The following OBSL1 variants were observed in gnomAD, a reference collection of about 807,000 sequenced individuals.
OBSL1 encodes the protein obscurin-like protein 1.
A neutral mutation model predicts 172.0 loss-of-function variants in OBSL1; 160 were observed. That is an observed-to-expected ratio of 0.93 (90% CI 0.82 to 1.06). OBSL1 has a LOEUF of 1.06. Ranked by LOEUF, OBSL1 falls within the 50% of genes least tolerant of loss-of-function variation. The pLI, the probability that OBSL1 is intolerant of heterozygous loss-of-function variation, is 0.00. For missense variants in OBSL1, 2,681 were observed against 2,715.4 expected, an observed-to-expected ratio of 0.99 and a Z score of 0.28; for synonymous variants, 1,200 against 1,196.3, an observed-to-expected ratio of 1.00 and a Z score of -0.06.
intron 15 of OBSL1, chr2:219,554,242 G>A: frequency 1.7e-6 from 1 of 590,206 alleles, no homozygotes; most frequent in Non-Finnish European, 3.0e-6. Flanking sequence ...TGGTAGCAGA[G>A]TCAGTGGTTG....
intron 14 of OBSL1, chr2:219,555,697 T>A: frequency 8.7e-7 from 1 of 1,152,378 alleles, no homozygotes; most frequent in Non-Finnish European, 1.1e-6. Flanking sequence ...CAGCCATCCC[T>A]GCTACTTAAG....
At position 219,552,522 on chromosome 2, in the gene OBSL1, C is replaced by G; in HGVS notation, c.5308+14G>C. 1.3e-6 allele frequency: 2 copies of G among 1,592,468 alleles called. No homozygotes were observed. Among genetic ancestry groups the G allele is most frequent in the South Asian group, 1.1e-5 (1 of 89,994 alleles). On this transcript the variant is annotated intron_variant, in intron 18 of 20. Coordinates refer to ENST00000404537, the MANE Select transcript of OBSL1 (RefSeq NM_015311.3). ...GGCAGCGAGGGGCCCGAAAGGGTAACCAGGCGGGCAGACCTTCCTGTCGGA... is the reference window on the plus strand; with the variant it reads ...GGCAGCGAGGGGCCCGAAAGGGTAAGCAGGCGGGCAGACCTTCCTGTCGGA...
chr2:219,551,968 G>A (rs1695643860), intron 19 of OBSL1, 144 bp downstream of exon 19: 2 of 953,072 alleles, frequency 2.1e-6, no homozygotes, highest in South Asian at 3.1e-5. Context: ...GAAACGCGCT[G>A]CCCTCTGTGA....
In OBSL1 at chr2:219,570,568, G is replaced by T; in HGVS notation, c.665C>A (p.Ala222Glu). The T allele has an allele frequency of 6.5e-7, 1 of 1,531,878 alleles. No individual in the cohort carries two copies. The allele number at this position is 1,531,878 out of a possible 1,614,324, so 94.9% of individuals were successfully genotyped here. ...RNAHGHAQAG[A>E]LLQVHQPPES... ...GGGGGGCTGGTGCACCTGGAGCAGC[G>T]CCCCCGCCTGCGCGTGGCCGTGCGC... The change falls in exon 1 of 21, where the codon GCG becomes GAG. Residue 222 changes from alanine (A) to glutamate (E), a missense_variant. Transcript: ENST00000404537.
chr2:219,571,204 C>A lies in OBSL1; in HGVS notation c.29G>T (p.Ser10Ile), dbSNP rs1261709770. 1 of 1,432,176 alleles carries A rather than the reference C, an allele frequency of 7.0e-7. No individual in the cohort carries two copies. The highest frequency in any genetic ancestry group is 9.2e-7 in the Non-Finnish European group (1 of 1,091,450). The allele number at this position is 1,432,176 out of a possible 1,614,324, so 88.7% of individuals were successfully genotyped here. The change falls in exon 1 of 21, where the codon AGC becomes ATC. Residue 10 changes from serine (S) to isoleucine (I), a missense_variant. Physicochemically the swap from Ser to Ile is moderately radical, Grantham distance 142 (BLOSUM62 -2). Around this residue, in one of 5 missense-constraint regions of OBSL1, gnomAD observed 90 missense variants for 76.6 expected, o/e 1.18. Coordinates refer to ENST00000404537, the MANE Select transcript of OBSL1 (RefSeq NM_015311.3). MKASSGDQG[S>I]PPCFLRFPRP... ...CGGGAAGCGCAGGAAGCACGGGGGG[C>A]TCCCCTGATCCCCCGAGCTCGCCTT...
At chr2:219,566,793 A>T (rs1420492077) in intron 5 of OBSL1, 37 bp downstream of exon 5, 1 of 1,529,186 alleles carries the variant, frequency 6.5e-7, no homozygotes, top group East Asian at 2.3e-5. Flanking sequence ...CTGTGTCTTG[A>T]CCCTTTCTGC....
intron 1 of OBSL1, chr2:219,569,290 C>T (rs981170194): frequency 8.5e-5 from 13 of 152,136 alleles, no homozygotes; most frequent in Non-Finnish European, 1.6e-4. Context: ...AGGCCACCAC[C>T]GCAGCCTGGG....
Position 219,552,539 on chromosome 2 carries a change from C to T in OBSL1, c.5305G>A (p.Glu1769Lys). The change falls in exon 18 of 21, where the codon GAA becomes AAA. Residue 1769 changes from glutamate to lysine, a missense_variant. Physicochemically the swap from Glu to Lys is moderately conservative, Grantham distance 56. Coordinates refer to ENST00000404537, the MANE Select transcript of OBSL1 (RefSeq NM_015311.3). ...RPGARVRIRQEGKKHILVLSE... is the reference protein window; with the variant it reads ...RPGARVRIRQKGKKHILVLSE... The stretch of plus-strand genomic sequence containing the variant: ...AAGGGTAACCAGGCGGGCAGACCTT[C>T]CTGTCGGATGCGGACGCGGGCTCCG... 1 of 1,596,408 alleles carries T rather than the reference C, an allele frequency of 6.3e-7. No homozygotes were observed. The highest frequency in any genetic ancestry group is 8.5e-7 in the Non-Finnish European group (1 of 1,177,676).
downstream of OBSL1, among the ~76,000 whole-genome samples, chr2:219,548,766 G>C (rs1559127761): frequency 6.6e-6 from 1 of 152,178 alleles, no homozygotes; most frequent in Non-Finnish European, 1.5e-5. Flanking sequence ...ATCTAATTTA[G>C]CTTTTGGGAT....
Position 219,562,901 on chromosome 2 carries a change from C to A in OBSL1, c.2681-227G>T. On this transcript the variant is annotated intron_variant, in intron 7 of 20. Coordinates refer to ENST00000404537, the MANE Select transcript of OBSL1 (RefSeq NM_015311.3). ...CTGCGCAGGAGCTGCACAGAGGGGACCACGGGGTCAGCCTCGGCTGTAGAA... is the reference window on the plus strand; with the variant it reads ...CTGCGCAGGAGCTGCACAGAGGGGAACACGGGGTCAGCCTCGGCTGTAGAA... The A allele has an allele frequency of 8.6e-6, 5 of 580,578 alleles. No homozygotes were observed. In the South Asian group the frequency reaches 9.7e-5, roughly 11 times the overall value. The allele number at this position is 580,578 out of a possible 1,614,324, so 36.0% of individuals were successfully genotyped here. A position where few individuals can be genotyped will look rare whatever the true frequency, so the allele number is the denominator to read the frequency against.
Position 219,551,758 on chromosome 2 carries a change from C to A in OBSL1, c.5454G>T (p.Lys1818Asn). ...LQMCRHPPRE[K>N]TVLVGRRAVL... ...CCGCCCGGCGGCCCACCAGAACGGT[C>A]TTCTCGCGAGGGGGGTGGCGGCACA... Residue 1818 changes from lysine to asparagine, a missense_variant, in exon 20 of 21, where the codon AAG becomes AAT. By Grantham distance (94) the Lys-to-Asn change is moderately conservative. Transcript: ENST00000404537. 1 of 1,596,532 alleles carries A rather than the reference C, an allele frequency of 6.3e-7. No individual in the cohort carries two copies. The highest frequency in any genetic ancestry group is 1.1e-5 in the South Asian group (1 of 90,458).
chr2:219,569,419 A>AT (rs1440856625), intron 1 of OBSL1: 1 of 152,172 alleles, frequency 6.6e-6, no homozygotes, highest in Non-Finnish European at 1.5e-5. Context: ...TTGTGATGAA[A>AT]TCCTATTATG....
At position 219,550,753 on chromosome 2, in the gene OBSL1, T is replaced by C; in HGVS notation, c.*82A>G. ...TGAGCTGTAGCACTTTTATTGTTCC[T>C]TGTCTCTCTACCCCTGCCCAGGGTA... is the stretch of plus-strand genomic sequence containing the variant. On this transcript the variant is annotated 3_prime_UTR_variant, in exon 21 of 21. Coordinates refer to ENST00000404537, the MANE Select transcript of OBSL1 (RefSeq NM_015311.3). The C allele has an allele frequency of 7.1e-6, 11 of 1,546,850 alleles. No homozygotes were observed. Among genetic ancestry groups the C allele is most frequent in the Non-Finnish European group, 9.7e-6 (11 of 1,137,016 alleles).
At chr2:219,552,422 G>A (rs2106008157) in intron 18 of OBSL1, 114 bp downstream of exon 18, 2 of 1,111,750 alleles carry the variant, frequency 1.8e-6, no homozygotes, top group Non-Finnish European at 2.5e-6. Flanking sequence ...GGCTCACAGG[G>A]CCGTGGGGCG....
In OBSL1 at chr2:219,556,651, C is replaced by A. The variant is rs202001381; in HGVS notation, c.4139G>T (p.Arg1380Leu). 3 of 1,613,026 alleles carry A rather than the reference C, an allele frequency of 1.9e-6. No homozygotes were observed. The South Asian group carries it at 3.3e-5, about 18-fold the overall frequency. ...GGCATCTGGTGGGGAGACTTCACAC[C>A]GGAACGTGGCATCATCGCCCTCGTG... is the stretch of plus-strand genomic sequence containing the variant. ...TVHEGDDATF[R>L]CEVSPPDADV... The change falls in exon 13 of 21, where the codon CGG becomes CTG. Residue 1380 changes from arginine (R) to leucine (L), a missense_variant. By Grantham distance (102) the Arg-to-Leu change is moderately radical. Transcript: ENST00000404537.
chr2:219,570,561 GAGCAGCGCCCCCGCCTGC>G lies in OBSL1; in HGVS notation c.654_671del (p.Ala220_Gln225del). On this transcript the variant is annotated inframe_deletion, in exon 1 of 21. Coordinates refer to ENST00000404537, the MANE Select transcript of OBSL1 (RefSeq NM_015311.3). Reference sequence around the variant, plus strand: ...GGCTCTCGGGGGGCTGGTGCACCTGGAGCAGCGCCCCCGCCTGCGCGTGGCCGTGCGCGTTGCGGGCGT... The same window carrying G: ...GGCTCTCGGGGGGCTGGTGCACCTGGGCGTGGCCGTGCGCGTTGCGGGCGT... The G allele has an allele frequency of 2.1e-5, 33 of 1,564,998 alleles. No homozygotes were observed. Among genetic ancestry groups the G allele is most frequent in the Non-Finnish European group, 2.9e-5 (33 of 1,157,888 alleles).
chr2:219,558,815 C>G (rs1237001138), intron 9 of OBSL1, among the ~76,000 whole-genome samples: 1 of 152,240 alleles, frequency 6.6e-6, no homozygotes, highest in Non-Finnish European at 1.5e-5. Context: ...CACTTCCTAT[C>G]CCCTTTCCCT....
Position 219,558,101 on chromosome 2 carries a change from A to T in OBSL1, c.3512T>A (p.Val1171Glu). ...TFNVILAEPP[V>E]QFLALETTPS... is the part of the protein sequence containing the mutation. ...AGTTGTCTCTAGAGCAAGGAACTGC[A>T]CTGGAGGCTCTGGAGAAGAGAGGAA... is the stretch of plus-strand genomic sequence containing the variant. The change falls in exon 11 of 21, where the codon GTG becomes GAG. Residue 1171 changes from valine to glutamate, a missense_variant. By Grantham distance (121) the Val-to-Glu change is moderately radical (BLOSUM62 -2). Coordinates refer to ENST00000404537, the MANE Select transcript of OBSL1 (RefSeq NM_015311.3). The T allele has an allele frequency of 1.9e-6, 3 of 1,613,506 alleles. No individual in the cohort carries two copies. Among genetic ancestry groups the T allele is most frequent in the African/African-American group, 1.3e-5 (1 of 75,050 alleles).
Position 219,551,779 on chromosome 2 carries a change from G to A in OBSL1, c.5433C>T (p.Cys1811=). 1 of 1,588,646 alleles carries A rather than the reference G, an allele frequency of 6.3e-7. No individual in the cohort carries two copies. The highest frequency in any genetic ancestry group is 8.6e-7 in the Non-Finnish European group (1 of 1,165,658). The part of the protein sequence containing the change: ...LEVEALPLQM[C]RHPPREKTVL... ...CGGTCTTCTCGCGAGGGGGGTGGCG[G>A]CACATCTGGAGAGGCAATGCTGGGG... The change falls in exon 20 of 21, where the codon TGC becomes TGT. Residue 1811 remains cysteine, a synonymous_variant. Transcript: ENST00000404537.
Sources: gnomAD v4.1 joint callset for allele counts (sites outside exome capture counted in the v4.1 genomes callset) on GRCh38, gnomAD v4.1.1 for gene constraint, gnomAD v4.1.1 regional missense constraint, MANE v1.5 for transcripts, NCBI Gene and HGNC (gene_info 2026-07-23, HGNC 2026-07-21) for gene names.